The following SFSWAP variants were observed in gnomAD, a reference collection of about 807,000 sequenced individuals.
The protein encoded by SFSWAP is splicing factor, suppressor of white-apricot homolog.
In SFSWAP, 17 loss-of-function variants were observed where a neutral mutation model predicts 100.7. That is an observed-to-expected ratio of 0.17 (90% CI 0.12 to 0.25). SFSWAP has a LOEUF of 0.25. SFSWAP is among the 10% of genes least tolerant of loss of function. The pLI is 1.00. For missense variants in SFSWAP, 1,005 were observed against 1,262.6 expected (o/e 0.80, Z 3.09); for synonymous variants, 504 against 510.1 (o/e 0.99, Z 0.16).
At chr12:131,791,094 A>G (rs551675540) in intron 15 of SFSWAP, among the ~76,000 whole-genome samples, 101 of 152,306 alleles carry the variant, frequency 6.6e-4, no homozygotes, top group African/African-American at 2.4e-3. Context: ...TGTGGAGTGG[A>G]TTAAAGAGCA....
chr12:131,792,297 T>C (rs2136278452), intron 15 of SFSWAP, among the ~76,000 whole-genome samples: 1 of 150,090 alleles, frequency 6.7e-6, no homozygotes, highest in South Asian at 2.1e-4. Flanking sequence ...ATCAGTACTG[T>C]GTGTGCACCC....
intron 10 of SFSWAP, among the ~76,000 whole-genome samples, chr12:131,756,255 T>G (rs1421056584): frequency 6.6e-6 from 1 of 152,152 alleles, no homozygotes; most frequent in Admixed American, 6.5e-5. Context: ...AAGAGTATAG[T>G]GTTTTTTCAG....
chr12:131,763,594 G>A (rs919367638), intron 11 of SFSWAP, among the ~76,000 whole-genome samples: 1 of 152,004 alleles, frequency 6.6e-6, no homozygotes, highest in African/African-American at 2.4e-5. Context: ...CTTCTGTCAC[G>A]CTGGGTTTGA....
intron 7 of SFSWAP, among the ~76,000 whole-genome samples, chr12:131,749,723 A>G (rs768239428): frequency 6.6e-6 from 1 of 152,242 alleles, no homozygotes; most frequent in African/African-American, 2.4e-5. Context: ...GAACTCACTC[A>G]TTAAACACTT....
chr12:131,750,911 G>GCAT (rs1881563184), intron 7 of SFSWAP, among the ~76,000 whole-genome samples: 1 of 152,078 alleles, frequency 6.6e-6, no homozygotes. Context: ...CAGGCCTGAA[G>GCAT]CATCCTCCCA....
chr12:131,720,591 T>C (rs1878379366), intron 4 of SFSWAP, among the ~76,000 whole-genome samples: 1 of 152,188 alleles, frequency 6.6e-6, no homozygotes, highest in Non-Finnish European at 1.5e-5. Flanking sequence ...ACATCCTGAA[T>C]CACTCACTGC....
chr12:131,790,479 C>T (rs1180394908), intron 15 of SFSWAP, among the ~76,000 whole-genome samples: 1 of 152,178 alleles, frequency 6.6e-6, no homozygotes, highest in Non-Finnish European at 1.5e-5. Context: ...AAACAACATT[C>T]ATGAAAGTTA....
At chr12:131,792,015 A>T (rs112847957) in intron 15 of SFSWAP, among the ~76,000 whole-genome samples, 5 of 137,652 alleles carry the variant, frequency 3.6e-5, no homozygotes, top group East Asian at 2.3e-4. Flanking sequence ...AGACCAGTAC[A>T]GTGTGTGCAC....
intron 11 of SFSWAP, chr12:131,757,980 A>T (rs1333822734): frequency 1.3e-5 from 2 of 152,394 alleles, no homozygotes; most frequent in Non-Finnish European, 2.9e-5. Context: ...CTTGAGACTC[A>T]GGGCAGTGAC....
chr12:131,777,145 A>AT (rs539456183), intron 13 of SFSWAP, among the ~76,000 whole-genome samples: 17 of 151,660 alleles, frequency 1.1e-4, no homozygotes, highest in African/African-American at 2.2e-4. Flanking sequence ...CTTAAGAACT[A>AT]TTTTTTTTTA....
chr12:131,713,995 C>A, intron 1 of SFSWAP, 76 bp from the exon 2 acceptor site: 1 of 935,552 alleles, frequency 1.1e-6, no homozygotes, highest in Non-Finnish European at 1.6e-6. Flanking sequence ...TATATATATA[C>A]ATATATAAAA....
intron 3 of SFSWAP, among the ~76,000 whole-genome samples, chr12:131,715,559 G>A (rs931159646): frequency 1.4e-4 from 21 of 152,266 alleles, no homozygotes; most frequent in African/African-American, 4.3e-4. Flanking sequence ...CTGGGCTCGT[G>A]TAGTATAGAC....
Position 131,738,885 on chromosome 12 carries a change from C to CTTTTTTTTTTTTTTTT in SFSWAP, c.1081+10466_1081+10481dup, listed in dbSNP as rs71072785. Among the ~76,000 whole-genome samples the CTTTTTTTTTTTTTTTT allele has an allele frequency of 8.2e-3, 400 of 48,752 alleles. 141 individuals carry two copies. Among genetic ancestry groups the CTTTTTTTTTTTTTTTT allele is most frequent in the Middle Eastern group, 0.023 (1 of 44 alleles). The allele number at this position is 48,752 out of a possible 152,430, so 32.0% of individuals were successfully genotyped here. ...TTCCAGTGCTGTAATGAACATTATTCTTTTTTTTTTTTTTTTTTTTTTTTG... is the reference window on the plus strand; with the variant it reads ...TTCCAGTGCTGTAATGAACATTATTCTTTTTTTTTTTTTTTTTTTTTTTTTTTTTTTTTTTTTTTTG... On this transcript the variant is annotated intron_variant, in intron 7 of 17. Transcript: ENST00000261674.
chr12:131,729,569 T>G (rs954290112), intron 7 of SFSWAP, among the ~76,000 whole-genome samples: 14 of 152,242 alleles, frequency 9.2e-5, no homozygotes, highest in African/African-American at 3.1e-4. Context: ...TTACATTTCT[T>G]TTTCTCGCTG....
At chr12:131,764,743 T>G in intron 12 of SFSWAP, 57 bp downstream of exon 12, 1 of 1,303,902 alleles carries the variant, frequency 7.7e-7, no homozygotes, top group African/African-American at 1.5e-5. Context: ...ATATAAGATT[T>G]ATCTGCTAAG....
chr12:131,749,646 G>A (rs1881439626), intron 7 of SFSWAP, among the ~76,000 whole-genome samples: 2 of 152,178 alleles, frequency 1.3e-5, no homozygotes, highest in Admixed American at 1.3e-4. Flanking sequence ...CAGCTTCATG[G>A]TCACTGCAGG....
At chr12:131,786,359 G>T in intron 14 of SFSWAP, 104 bp from the exon 15 acceptor site, 1 of 1,399,144 alleles carries the variant, frequency 7.1e-7, no homozygotes, top group South Asian at 1.4e-5. Flanking sequence ...ACCCTGAGGA[G>T]CAGCCTCTGC....
chr12:131,760,048 C>T (rs1278112676), intron 11 of SFSWAP, among the ~76,000 whole-genome samples: 1 of 152,082 alleles, frequency 6.6e-6, no homozygotes, highest in Non-Finnish European at 1.5e-5. Context: ...AATAAGATAT[C>T]ACATATTTGA....
At chr12:131,762,725 C>T (rs898451482) in intron 11 of SFSWAP, among the ~76,000 whole-genome samples, 3 of 152,100 alleles carry the variant, frequency 2.0e-5, no homozygotes, top group African/African-American at 7.2e-5. Flanking sequence ...CTCAGCCTCC[C>T]AAGTAGCTGC....
Sources: gnomAD v4.1 joint callset for allele counts (sites outside exome capture counted in the v4.1 genomes callset) on GRCh38, gnomAD v4.1.1 for gene constraint, MANE v1.5 for transcripts, NCBI Gene and HGNC (gene_info 2026-07-23, HGNC 2026-07-21) for gene names.